Variants in ACSL1 observed in about 807,000 individuals in gnomAD.
ACSL1 encodes the protein acyl-CoA synthetase long chain family member 1, also known as long-chain-fatty-acid--CoA ligase 1.
Under a neutral mutation model 98.4 loss-of-function variants are expected in ACSL1, and 41 were observed. That is an observed-to-expected ratio of 0.42 (90% confidence interval 0.32 to 0.54). ACSL1 has a LOEUF of 0.54. Ranked by LOEUF, ACSL1 falls within the 20% of genes least tolerant of loss-of-function variation. The pLI is 0.13. For synonymous variants in ACSL1, 316 were observed against 322.7 expected (o/e 0.98, Z 0.22); for missense variants, 734 against 883.1 (o/e 0.83, Z 2.14).
In ACSL1 at chr4:184,776,602, A is replaced by G. The variant is rs369244287; in HGVS notation, c.638T>C (p.Val213Ala). 16 of 1,613,896 alleles carry G rather than the reference A, an allele frequency of 9.9e-6. No individual in the cohort carries two copies. In the African/African-American group the frequency reaches 1.9e-4, roughly 19 times the overall value. The change falls in exon 7 of 21, where the codon GTA (valine) becomes GCA (alanine). Residue 213 changes from valine (V) to alanine (A), a missense_variant. Coordinates refer to ENST00000281455, the MANE Select transcript of ACSL1 (RefSeq NM_001995.5). ...AAGGCCTGGTATTAACTTATTTTCT[A>G]CACCCTCTAATAAGAGTTTGGCCTT... ...PEKAKLLLEG[V>A]ENKLIPGLKI... is the part of the protein sequence containing the mutation.
At chr4:184,783,803 C>A in intron 4 of ACSL1, 124 bp downstream of exon 4, 1 of 884,002 alleles carries the variant, frequency 1.1e-6, no homozygotes, top group South Asian at 1.5e-5. Flanking sequence ...CCCATGCTTA[C>A]GGCAAGGCTC....
At chr4:184,763,106 G>A (rs980404049) in intron 16 of ACSL1, 61 bp downstream of exon 16, 25 of 1,556,164 alleles carry the variant, frequency 1.6e-5, no homozygotes, top group African/African-American at 2.7e-5. Flanking sequence ...CACAGCATTC[G>A]CAAAGGCCAG....
intron 2 of ACSL1, chr4:184,798,772 A>G (rs1288043111): frequency 6.6e-6 from 1 of 152,364 alleles, no homozygotes; most frequent in Non-Finnish European, 1.5e-5. Flanking sequence ...GTGTAGCTGC[A>G]GACGGAGATA....
chr4:184,776,237 G>C (rs1765265744), intron 7 of ACSL1, among the ~76,000 whole-genome samples: 1 of 152,260 alleles, frequency 6.6e-6, no homozygotes, highest in African/African-American at 2.4e-5. Context: ...CAGCTTGTCA[G>C]TGCTCTGGAA....
At chr4:184,792,641 G>A (rs1159241162) in intron 2 of ACSL1, among the ~76,000 whole-genome samples, 1 of 152,164 alleles carries the variant, frequency 6.6e-6, no homozygotes, top group Non-Finnish European at 1.5e-5. Context: ...GTCTCACTAT[G>A]TTGCCCAGGC....
chr4:184,757,492 C>T lies in ACSL1; in HGVS notation c.1956+143G>A. ...AGAATAAATGCTTTTGATTTAAAAA[C>T]CTTTCCCCTGTCAAACTACTCCATT... On this transcript the variant is annotated intron_variant, in intron 20 of 20. Transcript: ENST00000281455. This position sits in a 1 kb window ranked among gnomAD's most constrained non-coding sequence, Gnocchi z 4.5. The T allele has an allele frequency of 1.0e-6, 1 of 981,956 alleles. No individual in the cohort carries two copies. The highest frequency in any genetic ancestry group is 1.5e-6 in the Non-Finnish European group (1 of 659,006). 60.8% of individuals were successfully genotyped at this position (981,956 alleles called of 1,614,324 possible).
intron 1 of ACSL1, chr4:184,808,492 C>T (rs556085087): frequency 4.1e-6 from 4 of 985,468 alleles, no homozygotes; most frequent in Non-Finnish European, 4.8e-6. Flanking sequence ...GAAAGCCTGA[C>T]ATCTTTCCTT....
chr4:184,816,964 A>G (rs1772691389), intron 1 of ACSL1, among the ~76,000 whole-genome samples: 1 of 152,158 alleles, frequency 6.6e-6, no homozygotes, highest in Non-Finnish European at 1.5e-5. Flanking sequence ...CATATATTCA[A>G]TTTGCAAATA....
At chr4:184,762,892 AG>A (rs1177017026) in intron 16 of ACSL1, among the ~76,000 whole-genome samples, 1 of 152,262 alleles carries the variant, frequency 6.6e-6, no homozygotes, top group African/African-American at 2.4e-5. Flanking sequence ...CCTTCGTCCC[AG>A]GAACTGAGGC....
At position 184,770,426 on chromosome 4, in the gene ACSL1, G is replaced by T; in HGVS notation, c.966C>A (p.Leu322=). 2 of 1,613,650 alleles carry T rather than the reference G, an allele frequency of 1.2e-6. No individual in the cohort carries two copies. Among genetic ancestry groups the T allele is most frequent in the South Asian group, 2.2e-5 (2 of 91,066 alleles). ...PDDTLISFLP[L]AHMFERVVEC... is the part of the protein sequence containing the mutation. ...CTACAACTCTCTCAAACATATGGGC[G>T]AGAGGCAAGAAAGATATCAAAGTAT... is the stretch of plus-strand genomic sequence containing the variant. Residue 322 remains leucine (L), a synonymous_variant, in exon 11 of 21, where the codon CTC becomes CTA. Transcript: ENST00000281455.
At position 184,773,651 on chromosome 4, in the gene ACSL1, C is replaced by G. The variant is rs753297127; in HGVS notation, c.841+12G>C. ...CTGCCATATGTAGAAGCAATTCTAT[C>G]TCAAAACTCACCTGTAGTTCCACTT... On this transcript the variant is annotated intron_variant, in intron 9 of 20. Transcript: ENST00000281455. This position sits in a 1 kb window ranked among gnomAD's most constrained non-coding sequence, Gnocchi z 4.3. 1.9e-6 allele frequency: 3 copies of G among 1,610,238 alleles called. No homozygotes were observed. The highest frequency in any genetic ancestry group is 2.5e-6 in the Non-Finnish European group (3 of 1,178,708).
At position 184,757,217 on chromosome 4, in the gene ACSL1, G is replaced by A. The variant is rs753758844; in HGVS notation, c.2005C>T (p.Leu669Phe). The change falls in exon 21 of 21, where the codon CTT (leucine) becomes TTT (phenylalanine). Residue 669 changes from leucine to phenylalanine, a missense_variant. Physicochemically the swap from Leu to Phe is conservative, Grantham distance 22. Transcript: ENST00000281455. The surrounding 1 kb of genome is among the most constrained non-coding windows in gnomAD (Gnocchi z 4.5). ...TTCGCCTTCATTGTTGGAGTCAGAAGGCCATTGTCGATAGAAAATAATTCA... is the reference window on the plus strand; with the variant it reads ...TTCGCCTTCATTGTTGGAGTCAGAAAGCCATTGTCGATAGAAAATAATTCA... ...HPELFSIDNGLLTPTMKAKRP... is the reference protein window; with the variant it reads ...HPELFSIDNGFLTPTMKAKRP... 1.2e-6 allele frequency: 2 copies of A among 1,609,186 alleles called. No homozygotes were observed.
Position 184,766,641 on chromosome 4 carries a change from A to G in ACSL1, c.1244T>C (p.Leu415Pro). Residue 415 changes from leucine (L) to proline (P), a missense_variant, in exon 13 of 21, where the codon CTG becomes CCG. Physicochemically the swap from Leu to Pro is moderately conservative, Grantham distance 98. Coordinates refer to ENST00000281455, the MANE Select transcript of ACSL1 (RefSeq NM_001995.5). The surrounding 1 kb of genome is among the most constrained non-coding windows in gnomAD (Gnocchi z 4.8). ...TGTTACCTGTACTTTGTGGAAGATC[A>G]GCCGGTCCCACAGGCTGTTGTTTCT... The part of the protein sequence containing the change: ...IIRNNSLWDR[L>P]IFHKVQSSLG... 6.2e-7 allele frequency: 1 copy of G among 1,614,112 alleles called. No homozygotes were observed. Among genetic ancestry groups the G allele is most frequent in the Non-Finnish European group, 8.5e-7 (1 of 1,179,998 alleles).
intron 2 of ACSL1, among the ~76,000 whole-genome samples, chr4:184,793,695 G>A (rs563621982): frequency 3.3e-5 from 5 of 152,320 alleles, no homozygotes; most frequent in African/African-American, 1.2e-4. Context: ...GGAGTAGAAG[G>A]GGGAGAGGCA....
In ACSL1 at chr4:184,803,164, C is replaced by G. The variant is rs1257131399; in HGVS notation, c.195+156G>C. On this transcript the variant is annotated intron_variant, in intron 2 of 20. Transcript: ENST00000281455. This position sits in a 1 kb window ranked among gnomAD's most constrained non-coding sequence, Gnocchi z 4.8. The stretch of plus-strand genomic sequence containing the variant: ...CCTGTGCCTATATTTTGCCCTGTAC[C>G]TCTATTTACCACCATCAGTAATTTG... 2.0e-5 allele frequency among the ~76,000 whole-genome samples: 3 copies of G among 152,212 alleles called. No individual in the cohort carries two copies. Among genetic ancestry groups the G allele is most frequent in the Admixed American group, 6.5e-5 (1 of 15,284 alleles).
chr4:184,782,738 G>A (rs564121998), intron 4 of ACSL1, among the ~76,000 whole-genome samples: 2 of 152,316 alleles, frequency 1.3e-5, no homozygotes, highest in East Asian at 3.9e-4. Context: ...TTCTACAGGG[G>A]AGGTGTGAGA....
intron 4 of ACSL1, among the ~76,000 whole-genome samples, chr4:184,781,235 A>G (rs1241822740): frequency 2.8e-5 from 4 of 144,804 alleles, no homozygotes; most frequent in African/African-American, 1.1e-4. Flanking sequence ...ATCTCAAAAA[A>G]AAAAAAAAAA....
Position 184,788,738 on chromosome 4 carries a change from A to G in ACSL1, c.196-7T>C. ...TTCGTGCACCACCACTACCCTATCA[A>G]AAAAGAAAGGGGGGCAGGTTAGAAG... On this transcript the variant is annotated splice_polypyrimidine_tract_variant and splice_region_variant and intron_variant, in intron 2 of 20. Transcript: ENST00000281455. The G allele has an allele frequency of 6.2e-7, 1 of 1,612,746 alleles. No individual in the cohort carries two copies.
intron 1 of ACSL1, among the ~76,000 whole-genome samples, chr4:184,821,976 CAGTA>C (rs1773099646): frequency 6.6e-6 from 1 of 152,090 alleles, no homozygotes; most frequent in African/African-American, 2.4e-5. Flanking sequence ...AAATTTTCTC[CAGTA>C]AGTATGTATG....
Sources: gnomAD v4.1 joint callset for allele counts (sites outside exome capture counted in the v4.1 genomes callset) on GRCh38, gnomAD v4.1.1 for gene constraint, Gnocchi (gnomAD v3.1) non-coding constraint, MANE v1.5 for transcripts, NCBI Gene and HGNC (gene_info 2026-07-23, HGNC 2026-07-21) for gene names.